The following RPL28 variants were observed in gnomAD, a reference collection of about 807,000 sequenced individuals.
The protein encoded by RPL28 is ribosomal protein L28.
A neutral mutation model predicts 12.5 loss-of-function variants in RPL28; 4 were observed. That is an observed-to-expected ratio of 0.32 (90% CI 0.16 to 0.73). The LOEUF (loss-of-function observed/expected upper bound fraction) is 0.73. Among genes scored for constraint, RPL28 ranks in the 30% least tolerant of loss-of-function variants. The probability of loss-of-function intolerance (pLI) is 0.66; values close to 1 mark genes in which losing one functional copy is unlikely to be tolerated. For missense variants in RPL28, 214 were observed against 197.7 expected, an observed-to-expected ratio of 1.08 and a Z score of -0.49; for synonymous variants, 91 against 72.5, an observed-to-expected ratio of 1.26 and a Z score of -1.30.
intron 3 of RPL28, chr19:55,387,178 G>T: frequency 7.5e-7 from 1 of 1,324,570 alleles, no homozygotes; most frequent in Non-Finnish European, 1.1e-6. Flanking sequence ...GTGCTGTCAG[G>T]TGCAGGCCTT....
intron 3 of RPL28, 53 bp downstream of exon 3, chr19:55,386,746 G>A (rs767157995): frequency 2.2e-5 from 35 of 1,610,968 alleles, no homozygotes; most frequent in Non-Finnish European, 3.0e-5. Flanking sequence ...GGGTCTGGGA[G>A]CTGTGATTTT....
At position 55,388,681 on chromosome 19, in the gene RPL28, A is replaced by G; in HGVS notation, c.*349A>G. ...GAAGAAAGGCCTTTTCTAGCCCAGA[A>G]GGGTGCAGGCTGAGGGCTGGGCCCT... On this transcript the variant is annotated 3_prime_UTR_variant, in exon 5 of 5. Coordinates refer to ENST00000344063, the MANE Select transcript of RPL28 (RefSeq NM_000991.5). 1 of 1,080,876 alleles carries G rather than the reference A, an allele frequency of 9.3e-7. No homozygotes were observed. Among genetic ancestry groups the G allele is most frequent in the East Asian group, 6.0e-5 (1 of 16,690 alleles). The allele number at this position is 1,080,876 out of a possible 1,614,324, so 67.0% of individuals were successfully genotyped here. A position where few individuals can be genotyped will look rare whatever the true frequency, so the allele number is the denominator to read the frequency against.
Position 55,386,401 on chromosome 19 carries a change from G to A in RPL28, c.44G>A (p.Ser15Asn). 2.5e-6 allele frequency: 4 copies of A among 1,614,148 alleles called. No individual in the cohort carries two copies. Among genetic ancestry groups the A allele is most frequent in the Non-Finnish European group, 3.4e-6 (4 of 1,180,022 alleles). ...LQWMVVRNCS[S>N]FLIKRNKQTY... is the part of the protein sequence containing the mutation. ...TGGATGGTCGTGCGGAACTGCTCCA[G>A]TTTCCTGATCAAGAGGAATAAGCAG... Residue 15 changes from serine (S) to asparagine (N), a missense_variant, in exon 2 of 5, where the codon AGT becomes AAT. Transcript: ENST00000344063.
At chr19:55,398,385 T>C (rs1019392716) in intron 4 of RPL28, among the ~76,000 whole-genome samples, 1 of 152,228 alleles carries the variant, frequency 6.6e-6, no homozygotes, top group Non-Finnish European at 1.5e-5. Flanking sequence ...TTGACTTGAC[T>C]ACAAAGTTTC....
In RPL28 at chr19:55,389,246, G is replaced by A. The variant is rs569025602; in HGVS notation, c.*914G>A. 1.1e-6 allele frequency: 1 copy of A among 913,078 alleles called. No homozygotes were observed. Among genetic ancestry groups the A allele is most frequent in the Non-Finnish European group, 1.3e-6 (1 of 763,964 alleles). 56.6% of individuals were successfully genotyped at this position (913,078 alleles called of 1,614,324 possible). ...CCGCCTGTGGTCCCAGCTCCTCAGA[G>A]GTTGAGTAGAGGCTGAGGTGAGCGG... On this transcript the variant is annotated 3_prime_UTR_variant, in exon 5 of 5. Transcript: ENST00000344063.
rs780285737 is a variant in RPL28, at chr19:55,388,067, AT to A, written c.324+20del. On this transcript the variant is annotated intron_variant, in intron 4 of 4. Coordinates refer to ENST00000344063, the MANE Select transcript of RPL28 (RefSeq NM_000991.5). Reference sequence around the variant, plus strand: ...GCGCATGGTGAGCTGGGGTTTGGGGATCAGGCTTGGGGAGACTGGCCAGTGC... The same window carrying A: ...GCGCATGGTGAGCTGGGGTTTGGGGACAGGCTTGGGGAGACTGGCCAGTGC... 5.2e-5 allele frequency: 84 copies of A among 1,613,420 alleles called. No individual in the cohort carries two copies. The highest frequency in any genetic ancestry group is 1.0e-4 in the Admixed American group (6 of 59,908).
Position 55,388,645 on chromosome 19 carries a change from T to A in RPL28, c.*313T>A. The A allele has an allele frequency of 8.5e-7, 1 of 1,174,334 alleles. No individual in the cohort carries two copies. Among genetic ancestry groups the A allele is most frequent in the Admixed American group, 4.6e-5 (1 of 21,794 alleles). The allele number at this position is 1,174,334 out of a possible 1,614,324, so 72.7% of individuals were successfully genotyped here. ...AAGAATCCCAGCTGGGGCAGTGGCT[T>A]CCATTCAGAAGAAGAAAGGCCTTTT... On this transcript the variant is annotated 3_prime_UTR_variant, in exon 5 of 5. Transcript: ENST00000344063.
At position 55,390,814 on chromosome 19, in the gene RPL28, CAG is replaced by C. The variant is rs2089983288; in HGVS notation, c.*2485_*2486del. The stretch of plus-strand genomic sequence containing the variant: ...AGGGAGGGAGATGGTCTCAGCCCCA[CAG>C]AGTTTGGAGTCCTCAGTGTGCTGAG... On this transcript the variant is annotated 3_prime_UTR_variant, in exon 5 of 5. Coordinates refer to ENST00000344063, the MANE Select transcript of RPL28 (RefSeq NM_000991.5). 2 of 985,244 alleles carry C rather than the reference CAG, an allele frequency of 2.0e-6. No individual in the cohort carries two copies. The highest frequency in any genetic ancestry group is 3.5e-5 in the African/African-American group (2 of 57,136). The allele number at this position is 985,244 out of a possible 1,614,324, so 61.0% of individuals were successfully genotyped here.
rs1465360504 is a variant in RPL28 at position 55,391,035 on chromosome 19, C to CA, written c.*2707dup. The CA allele has an allele frequency of 1.3e-5, 11 of 868,048 alleles. No individual in the cohort carries two copies. The highest frequency in any genetic ancestry group is 1.5e-5 in the Non-Finnish European group (11 of 722,684). 53.8% of individuals were successfully genotyped at this position (868,048 alleles called of 1,614,324 possible). On this transcript the variant is annotated 3_prime_UTR_variant, in exon 5 of 5. Transcript: ENST00000344063. ...TAGTAAAAATGCTGAAAGCCAAAGA[C>CA]AAAATTGGGAGAACAAAAGAAAAGC...
rs2089993845 is a variant in RPL28 at position 55,391,927 on chromosome 19, G to A, written c.*3595G>A. 1.6e-5 allele frequency: 20 copies of A among 1,276,344 alleles called. No individual in the cohort carries two copies. In the Middle Eastern group the frequency reaches 1.5e-3, roughly 98 times the overall value. The allele number at this position is 1,276,344 out of a possible 1,614,324, so 79.1% of individuals were successfully genotyped here. A position where few individuals can be genotyped will look rare whatever the true frequency, so the allele number is the denominator to read the frequency against. On this transcript the variant is annotated 3_prime_UTR_variant, in exon 5 of 5. Coordinates refer to ENST00000344063, the MANE Select transcript of RPL28 (RefSeq NM_000991.5). ...CTCCAGGTCTGCCCCGCCGTCCTGT[G>A]GGGCTGTGAGCTTTCCCAGCCTCCT...
downstream of RPL28, among the ~76,000 whole-genome samples, chr19:55,394,709 C>G (rs1025557024): frequency 4.6e-5 from 7 of 152,048 alleles, no homozygotes; most frequent in African/African-American, 1.7e-4. Context: ...GAGGCTGGGA[C>G]CACAGGTGTG....
At chr19:55,401,392 G>A (rs746357955) in intron 4 of RPL28, 9 of 1,336,088 alleles carry the variant, frequency 6.7e-6, no homozygotes, top group Non-Finnish European at 9.4e-6. Context: ...GGAGGGAGGG[G>A]ACAGGAGAGG....
chr19:55,386,548 C>T (rs767610134), intron 2 of RPL28, 22 bp from the exon 3 acceptor site: 1 of 1,600,682 alleles, frequency 6.2e-7, no homozygotes, highest in Admixed American at 1.7e-5. Context: ...ATTCACGATG[C>T]CTTGTGCCGC....
In RPL28 at chr19:55,389,938, C is replaced by T; in HGVS notation, c.*1606C>T. The stretch of plus-strand genomic sequence containing the variant: ...CCACTCAGGCCCATCTCTGGCTGGC[C>T]TCACTGCGCTGGGACTCCGCCTTCA... On this transcript the variant is annotated 3_prime_UTR_variant, in exon 5 of 5. Coordinates refer to ENST00000344063, the MANE Select transcript of RPL28 (RefSeq NM_000991.5). 2 of 985,538 alleles carry T rather than the reference C, an allele frequency of 2.0e-6. No homozygotes were observed. Among genetic ancestry groups the T allele is most frequent in the Non-Finnish European group, 2.4e-6 (2 of 829,984 alleles). The allele number at this position is 985,538 out of a possible 1,614,324, so 61.0% of individuals were successfully genotyped here. A position where few individuals can be genotyped will look rare whatever the true frequency, so the allele number is the denominator to read the frequency against.
Position 55,389,857 on chromosome 19 carries a change from T to C in RPL28, c.*1525T>C, listed in dbSNP as rs1295062206. The C allele has an allele frequency of 9.1e-6, 9 of 984,172 alleles. No homozygotes were observed. Among genetic ancestry groups the C allele is most frequent in the African/African-American group, 3.5e-5 (2 of 57,164 alleles). The allele number at this position is 984,172 out of a possible 1,614,324, so 61.0% of individuals were successfully genotyped here. A position where few individuals can be genotyped will look rare whatever the true frequency, so the allele number is the denominator to read the frequency against. Reference sequence around the variant, plus strand: ...AATCCCACTCAGGCCCACCTCCAGCTGGCCTCACTCCGCTGGTGACTTCGT... The same window carrying C: ...AATCCCACTCAGGCCCACCTCCAGCCGGCCTCACTCCGCTGGTGACTTCGT... On this transcript the variant is annotated 3_prime_UTR_variant, in exon 5 of 5. Transcript: ENST00000344063.
intron 3 of RPL28, 107 bp downstream of exon 3, chr19:55,386,800 A>G (rs1430685198): frequency 1.2e-6 from 2 of 1,606,770 alleles, no homozygotes; most frequent in African/African-American, 2.7e-5. Flanking sequence ...CGCGGCGGGC[A>G]TCCCTGGCGC....
Position 55,388,516 on chromosome 19 carries a change from TG to T in RPL28, c.*188del, listed in dbSNP as rs2089958655. 7.7e-7 allele frequency: 1 copy of T among 1,298,126 alleles called. No homozygotes were observed. Among genetic ancestry groups the T allele is most frequent in the African/African-American group, 1.5e-5 (1 of 65,208 alleles). 80.4% of individuals were successfully genotyped at this position (1,298,126 alleles called of 1,614,324 possible). A position where few individuals can be genotyped will look rare whatever the true frequency, so the allele number is the denominator to read the frequency against. On this transcript the variant is annotated 3_prime_UTR_variant, in exon 5 of 5. Coordinates refer to ENST00000344063, the MANE Select transcript of RPL28 (RefSeq NM_000991.5). ...TCAATGGCTGGCCATGCAGGAGGGG[TG>T]GGGTAGCTGCCTTGTCCCTGGTGAG...
At chr19:55,387,848 G>A in intron 3 of RPL28, 82 bp from the exon 4 acceptor site, 1 of 1,493,544 alleles carries the variant, frequency 6.7e-7, no homozygotes, top group Non-Finnish European at 8.9e-7. Context: ...GCTTCTCAAT[G>A]TGAGACTGTC....
At chr19:55,395,574 G>A (rs1383029661), downstream of RPL28, among the ~76,000 whole-genome samples, 4 of 151,732 alleles carry the variant, frequency 2.6e-5, no homozygotes, top group African/African-American at 9.7e-5. Context: ...CTCCCTAGTA[G>A]CTGGGACTAC....
Sources: allele counts gnomAD v4.1 joint callset (sites outside exome capture counted in the v4.1 genomes callset), GRCh38; gene constraint gnomAD v4.1.1; transcripts MANE v1.5; gene names NCBI Gene and HGNC (gene_info 2026-07-23, HGNC 2026-07-21).